Variants in KCNH8 observed in about 807,000 individuals in gnomAD.
The protein encoded by KCNH8 is voltage-gated delayed rectifier potassium channel KCNH8.
KCNH8 carries 70 observed loss-of-function variants against 103.6 expected under a neutral mutation model. The observed-to-expected ratio is 0.68, with a 90% CI of 0.56 to 0.82. KCNH8 has a LOEUF of 0.82. KCNH8 is among the 40% of genes least tolerant of loss of function. The pLI, the probability that KCNH8 is intolerant of heterozygous loss-of-function variation, is 0.00. For synonymous variants in KCNH8, 498 were observed against 489.4 expected (o/e 1.02, Z -0.23); for missense variants, 1,217 against 1,329.9 (o/e 0.92, Z 1.32).
At chr3:19,318,651 G>A (rs1351711546) in intron 3 of KCNH8, among the ~76,000 whole-genome samples, 1 of 102,488 alleles carries the variant, frequency 9.8e-6, no homozygotes, top group Non-Finnish European at 2.0e-5. Flanking sequence ...GTGTGTGTGT[G>A]TGTGTGTGTG....
chr3:19,198,634 C>T (rs2063626020), intron 1 of KCNH8, among the ~76,000 whole-genome samples: 1 of 151,960 alleles, frequency 6.6e-6, no homozygotes, highest in South Asian at 2.1e-4. Context: ...TTTGCACGGA[C>T]AGAATTAATA....
intron 2 of KCNH8, among the ~76,000 whole-genome samples, chr3:19,257,810 C>A (rs779822906): frequency 2.0e-5 from 3 of 152,032 alleles, no homozygotes; most frequent in Non-Finnish European, 4.4e-5. Flanking sequence ...CAACAGAAAT[C>A]TGTTATCTCA....
At chr3:19,453,803 AT>A (rs2067487777) in intron 10 of KCNH8, among the ~76,000 whole-genome samples, 1 of 152,120 alleles carries the variant, frequency 6.6e-6, no homozygotes, top group African/African-American at 2.4e-5. Flanking sequence ...ATGAGAAATA[AT>A]TTTTTTGTTT....
At chr3:19,169,912 G>A (rs2063324651) in intron 1 of KCNH8, among the ~76,000 whole-genome samples, 1 of 152,068 alleles carries the variant, frequency 6.6e-6, no homozygotes, top group Non-Finnish European at 1.5e-5. Flanking sequence ...GATTTTATCA[G>A]TAAGATTACA....
At chr3:19,505,947 G>A (rs2068684256) in intron 11 of KCNH8, among the ~76,000 whole-genome samples, 1 of 151,722 alleles carries the variant, frequency 6.6e-6, no homozygotes, top group Non-Finnish European at 1.5e-5. Flanking sequence ...CCTCAGCTTG[G>A]TTTATTCTGC....
intron 5 of KCNH8, among the ~76,000 whole-genome samples, chr3:19,384,614 AATT>A (rs576925949): frequency 2.9e-4 from 44 of 152,112 alleles, no homozygotes; most frequent in African/African-American, 4.8e-4. Flanking sequence ...AACACATTAG[AATT>A]ATTATTATCC....
At chr3:19,333,819 C>T (rs1308932975) in intron 3 of KCNH8, among the ~76,000 whole-genome samples, 1 of 152,152 alleles carries the variant, frequency 6.6e-6, no homozygotes, top group Non-Finnish European at 1.5e-5. Flanking sequence ...ACAGTGTAAA[C>T]AACACCCTTC....
At chr3:19,323,776 C>G (rs75060411) in intron 3 of KCNH8, among the ~76,000 whole-genome samples, 2 of 152,072 alleles carry the variant, frequency 1.3e-5, no homozygotes, top group African/African-American at 4.8e-5. Flanking sequence ...ATTTCTCTTC[C>G]GGATCTAGCC....
rs568974852 is a variant in KCNH8 at position 19,234,447 on chromosome 3, C to A, written c.77-19207C>A. 2.6e-4 allele frequency among the ~76,000 whole-genome samples: 40 copies of A among 152,348 alleles called. 2 individuals carry two copies. In the South Asian group the frequency reaches 5.8e-3, roughly 22 times the overall value. ...CTGCCCCGCGAGAAGCCAGCTAAGG[C>A]CCTGCGAGAAATTGAGCACAGCAGC... On this transcript the variant is annotated intron_variant, in intron 1 of 15. Transcript: ENST00000328405.
chr3:19,367,873 A>G (rs563714992), intron 5 of KCNH8, among the ~76,000 whole-genome samples: 1 of 152,182 alleles, frequency 6.6e-6, no homozygotes, highest in East Asian at 1.9e-4. Context: ...ACCCTTGCAA[A>G]CACATCAAGG....
chr3:19,479,678 G>C (rs1355858207), intron 11 of KCNH8, among the ~76,000 whole-genome samples: 1 of 152,154 alleles, frequency 6.6e-6, no homozygotes, highest in Non-Finnish European at 1.5e-5. Context: ...TCAGAAATGA[G>C]AAAGAGACCT....
chr3:19,397,539 A>G (rs74283476), intron 7 of KCNH8, among the ~76,000 whole-genome samples: 1,922 of 109,286 alleles, frequency 0.018, 28 homozygotes, highest in East Asian at 0.13. Context: ...ATATACACAC[A>G]TATATATATA....
intron 1 of KCNH8, among the ~76,000 whole-genome samples, chr3:19,212,202 A>G (rs945893788): frequency 3.9e-5 from 6 of 152,120 alleles, no homozygotes; most frequent in Non-Finnish European, 7.3e-5. Flanking sequence ...TAATTATTAC[A>G]TCTTTCATCA....
intron 3 of KCNH8, among the ~76,000 whole-genome samples, chr3:19,284,508 GGTGTGT>G (rs66509260): frequency 0.015 from 2,111 of 136,592 alleles, 48 homozygotes; most frequent in East Asian, 0.078. Flanking sequence ...TGGATCTGCT[GGTGTGT>G]GTGTGTGTGT....
At chr3:19,258,096 A>G (rs1204905990) in intron 2 of KCNH8, among the ~76,000 whole-genome samples, 4 of 151,942 alleles carry the variant, frequency 2.6e-5, no homozygotes, top group Non-Finnish European at 5.9e-5. Context: ...TTTTAACTTG[A>G]TTACCTCTGT....
In KCNH8 at chr3:19,336,287, A is replaced by G. The variant is rs534312747; in HGVS notation, c.443-6300A>G. 1.4e-3 allele frequency among the ~76,000 whole-genome samples: 220 copies of G among 151,900 alleles called. 4 individuals carry two copies. The highest frequency in any genetic ancestry group is 5.0e-3 in the African/African-American group (208 of 41,558). ...AACAGTCTTTTATTTCCAAAAGTCT[A>G]TAAATTTACTAATTTCTCTTAATAT... On this transcript the variant is annotated intron_variant, in intron 3 of 15. Transcript: ENST00000328405.
At chr3:19,208,774 C>T (rs2063740731) in intron 1 of KCNH8, among the ~76,000 whole-genome samples, 1 of 151,852 alleles carries the variant, frequency 6.6e-6, no homozygotes, top group African/African-American at 2.4e-5. Flanking sequence ...ATATGGTGTT[C>T]TTCCTATTTG....
intron 11 of KCNH8, among the ~76,000 whole-genome samples, chr3:19,479,349 T>A (rs2068041428): frequency 6.6e-6 from 1 of 152,156 alleles, no homozygotes; most frequent in Admixed American, 6.5e-5. Flanking sequence ...ATCTCAAAAC[T>A]CAGGATGAAA....
intron 1 of KCNH8, among the ~76,000 whole-genome samples, chr3:19,191,592 T>C (rs1443326316): frequency 1.3e-5 from 2 of 151,730 alleles, no homozygotes; most frequent in African/African-American, 4.8e-5. Context: ...CTTTTTTCTC[T>C]GTCACCTTTC....
Sources: gnomAD v4.1 joint callset for allele counts (sites outside exome capture counted in the v4.1 genomes callset) on GRCh38, gnomAD v4.1.1 for gene constraint, MANE v1.5 for transcripts, NCBI Gene and HGNC (gene_info 2026-07-23, HGNC 2026-07-21) for gene names.